MYO9A: variants seen among roughly 807,000 people sequenced by gnomAD.
The protein encoded by MYO9A is unconventional myosin-IXa.
Under a neutral mutation model 293.3 loss-of-function variants are expected in MYO9A, and 103 were observed. The observed-to-expected ratio is 0.35, with a 90% CI of 0.30 to 0.41. MYO9A has a LOEUF of 0.41. Ranked by LOEUF, MYO9A falls within the 10% of genes least tolerant of loss-of-function variation. The pLI is 1.00. For missense variants in MYO9A, 2,685 were observed against 3,033.0 expected, an observed-to-expected ratio of 0.89 and a Z score of 2.69; for synonymous variants, 1,001 against 1,035.7, an observed-to-expected ratio of 0.97 and a Z score of 0.64.
In MYO9A at chr15:71,898,526, C is replaced by A; in HGVS notation, c.3977G>T (p.Ser1326Ile). The A allele has an allele frequency of 6.2e-7, 1 of 1,614,038 alleles. No individual in the cohort carries two copies. The highest frequency in any genetic ancestry group is 8.5e-7 in the Non-Finnish European group (1 of 1,180,038). ...CAGAAGTTCCAAGCTTCCTTGAGAG[C>A]TCTCACTATCAGGTGTACCCCGTGG... ...QSPRGTPDSE[S>I]SQGSLELLSY... Residue 1326 changes from serine (S) to isoleucine (I), a missense_variant, in exon 25 of 42, where the codon AGC (serine) becomes ATC (isoleucine). Physicochemically the swap from Ser to Ile is moderately radical, Grantham distance 142. Around this residue, in one of 10 missense-constraint regions of MYO9A, gnomAD observed 1,434 missense variants for 1,497.7 expected, o/e 0.96. Coordinates refer to ENST00000356056, the MANE Select transcript of MYO9A (RefSeq NM_006901.4).
At chr15:72,026,233 A>G (rs1316075016) in intron 4 of MYO9A, among the ~76,000 whole-genome samples, 1 of 134,622 alleles carries the variant, frequency 7.4e-6, no homozygotes. Context: ...AAATCTCACC[A>G]CTGCACTCCA....
intron 39 of MYO9A, among the ~76,000 whole-genome samples, chr15:71,835,790 C>T (rs1344861201): frequency 6.6e-6 from 1 of 151,896 alleles, no homozygotes; most frequent in Non-Finnish European, 1.5e-5. Context: ...ATATAAAGAG[C>T]CAAGAATAGT....
At chr15:72,053,431 G>C (rs944005473) in intron 1 of MYO9A, among the ~76,000 whole-genome samples, 1 of 152,038 alleles carries the variant, frequency 6.6e-6, no homozygotes, top group Non-Finnish European at 1.5e-5. Flanking sequence ...GGTTTTTTAA[G>C]TGTAACTTTC....
chr15:71,886,007 A>G (rs1387614064), intron 27 of MYO9A, among the ~76,000 whole-genome samples: 1 of 152,026 alleles, frequency 6.6e-6, no homozygotes, highest in Non-Finnish European at 1.5e-5. Flanking sequence ...GGTTTCATGA[A>G]TACAATTGTA....
chr15:71,988,303 C>A (rs935936228), intron 11 of MYO9A, among the ~76,000 whole-genome samples: 1 of 152,060 alleles, frequency 6.6e-6, no homozygotes, highest in Non-Finnish European at 1.5e-5. Flanking sequence ...GATGGCAATC[C>A]CAGCTTAGCT....
At chr15:71,970,435 G>T (rs1034332784) in intron 12 of MYO9A, among the ~76,000 whole-genome samples, 32 of 152,200 alleles carry the variant, frequency 2.1e-4, no homozygotes, top group African/African-American at 7.5e-4. Flanking sequence ...GGATATATTT[G>T]ACATTATATA....
intron 15 of MYO9A, among the ~76,000 whole-genome samples, chr15:71,944,047 T>C (rs146676152): frequency 4.9e-4 from 74 of 152,248 alleles, no homozygotes; most frequent in African/African-American, 1.8e-3. Context: ...TCTTACATTT[T>C]AGCCACTATA....
intron 1 of MYO9A, among the ~76,000 whole-genome samples, chr15:72,071,066 A>G (rs890510507): frequency 2.0e-5 from 3 of 152,248 alleles, no homozygotes; most frequent in Non-Finnish European, 4.4e-5. Flanking sequence ...GGCTTAAACT[A>G]AAGAACTTCT....
At chr15:71,842,849 G>A (rs1453269640) in intron 39 of MYO9A, among the ~76,000 whole-genome samples, 3 of 142,342 alleles carry the variant, frequency 2.1e-5, no homozygotes, top group Non-Finnish European at 3.0e-5. Flanking sequence ...GACAGAGCGA[G>A]ACTCCACCTC....
At position 71,826,674 on chromosome 15, in the gene MYO9A, C is replaced by A; in HGVS notation, c.7553G>T (p.Gly2518Val). ...TTTTCTGCGGCCAGACATGACTGTC[C>A]CCTCTGGGGTCTCTTTGGTTTTCTG... Reference protein sequence around the residue: ...SPQKTKETPEGTVMSGRRKTV... With the variant: ...SPQKTKETPEVTVMSGRRKTV... Residue 2518 changes from glycine to valine, a missense_variant, in exon 42 of 42, where the codon GGG becomes GTG. Gly to Val is a moderately radical substitution (Grantham distance 109). This residue lies in a region of MYO9A where 350 missense variants were observed against 328.9 expected (regional missense o/e 1.06). Transcript: ENST00000356056. 6.2e-7 allele frequency: 1 copy of A among 1,613,950 alleles called. No homozygotes were observed. Among genetic ancestry groups the A allele is most frequent in the South Asian group, 1.1e-5 (1 of 91,072 alleles).
At chr15:72,011,373 T>C (rs2148967953) in intron 6 of MYO9A, among the ~76,000 whole-genome samples, 1 of 151,462 alleles carries the variant, frequency 6.6e-6, no homozygotes, top group South Asian at 2.1e-4. Context: ...TATGTAATTA[T>C]TTCCTAATGA....
Position 72,000,040 on chromosome 15 carries a change from T to C in MYO9A, c.1381-100A>G, listed in dbSNP as rs1038989431. On this transcript the variant is annotated intron_variant, in intron 8 of 41. Coordinates refer to ENST00000356056, the MANE Select transcript of MYO9A (RefSeq NM_006901.4). Reference sequence around the variant, plus strand: ...TAGAGGAGGAAAAGCTTAATGAGATTAGCAATTACATAGCAGAGAAAAAAG... The same window carrying C: ...TAGAGGAGGAAAAGCTTAATGAGATCAGCAATTACATAGCAGAGAAAAAAG... 2.4e-4 allele frequency: 206 copies of C among 866,356 alleles called. 2 individuals are homozygous for C. Among genetic ancestry groups the C allele is most frequent in the Non-Finnish European group, 2.3e-4 (135 of 578,358 alleles). The allele number at this position is 866,356 out of a possible 1,614,324, so 53.7% of individuals were successfully genotyped here.
rs1165216155 is a variant in MYO9A, at chr15:71,822,341, A to G, written c.*4239T>C. 2 of 152,206 alleles carry G rather than the reference A, an allele frequency of 1.3e-5. No homozygotes were observed. Among genetic ancestry groups the G allele is most frequent in the African/African-American group, 4.8e-5 (2 of 41,448 alleles). 9.4% of individuals were successfully genotyped at this position (152,206 alleles called of 1,614,324 possible). On this transcript the variant is annotated 3_prime_UTR_variant, in exon 42 of 42. Transcript: ENST00000356056. Reference sequence around the variant, plus strand: ...TGAGCCATGGGGTGATTTGTTCATCAAGCTGCTTTTGTGTAGCCATACAGT... The same window carrying G: ...TGAGCCATGGGGTGATTTGTTCATCGAGCTGCTTTTGTGTAGCCATACAGT...
At chr15:71,971,139 C>T (rs1471365509) in intron 12 of MYO9A, among the ~76,000 whole-genome samples, 2 of 148,724 alleles carry the variant, frequency 1.3e-5, no homozygotes, top group Non-Finnish European at 3.0e-5. Context: ...CCAGCCTGGG[C>T]GACAGAGCGA....
intron 3 of MYO9A, 37 bp from the exon 4 acceptor site, chr15:72,027,830 A>C (rs1213372955): frequency 1.4e-6 from 2 of 1,420,848 alleles, no homozygotes; most frequent in South Asian, 1.2e-5. Context: ...ATAAATAATA[A>C]AGTTTAATAT....
intron 34 of MYO9A, among the ~76,000 whole-genome samples, chr15:71,858,323 C>G (rs1201500424): frequency 6.6e-6 from 1 of 152,088 alleles, no homozygotes; most frequent in African/African-American, 2.4e-5. Context: ...TTTATTGCGG[C>G]ACTATTCACA....
intron 15 of MYO9A, among the ~76,000 whole-genome samples, chr15:71,943,699 T>C (rs753175482): frequency 2.0e-5 from 3 of 152,072 alleles, no homozygotes; most frequent in Non-Finnish European, 4.4e-5. Flanking sequence ...CTCCCACACT[T>C]ACTTATGGGT....
chr15:72,078,815 C>T (rs970577003), intron 1 of MYO9A, among the ~76,000 whole-genome samples: 4 of 152,014 alleles, frequency 2.6e-5, no homozygotes, highest in Admixed American at 6.6e-5. Flanking sequence ...AACGAGCTAT[C>T]GAACCATGAA....
chr15:71,992,252 T>C (rs2076563363), intron 10 of MYO9A, among the ~76,000 whole-genome samples: 1 of 152,210 alleles, frequency 6.6e-6, no homozygotes, highest in Non-Finnish European at 1.5e-5. Flanking sequence ...CTTATATTCT[T>C]CTATTGCACT....
Sources: gnomAD v4.1 joint callset for allele counts (sites outside exome capture counted in the v4.1 genomes callset) on GRCh38, gnomAD v4.1.1 for gene constraint, gnomAD v4.1.1 regional missense constraint, MANE v1.5 for transcripts, NCBI Gene and HGNC (gene_info 2026-07-23, HGNC 2026-07-21) for gene names.